PHACTR2: variants seen among roughly 807,000 people sequenced by gnomAD.
PHACTR2 encodes the protein chromosome 6 open reading frame 56.
A neutral mutation model predicts 76.0 loss-of-function variants in PHACTR2; 30 were observed. The ratio of observed to expected loss-of-function variants is 0.39; its 90% CI spans 0.30 to 0.54. The LOEUF (loss-of-function observed/expected upper bound fraction) is 0.54, where lower values mean the gene tolerates loss of function less well. PHACTR2 is among the 20% of genes least tolerant of loss of function. The probability of loss-of-function intolerance (pLI) is 0.61; values close to 1 mark genes in which losing one functional copy is unlikely to be tolerated. For missense variants in PHACTR2, 696 were observed against 781.1 expected (o/e 0.89, Z 1.30); for synonymous variants, 292 against 292.5 (o/e 1.00, Z 0.02).
intron 6 of PHACTR2, among the ~76,000 whole-genome samples, chr6:143,766,848 G>A (rs1258020430): frequency 4.6e-5 from 7 of 152,172 alleles, no homozygotes. Context: ...AGTATGAAGG[G>A]ATGGATGGCT....
rs1361424105 is a variant in PHACTR2, at chr6:143,827,185, T to C, written c.*3496T>C. ...ATATATATATATATATATATATATA[T>C]ATATATATATATATGTATATTATAT... On this transcript the variant is annotated 3_prime_UTR_variant, in exon 13 of 13. Coordinates refer to ENST00000440869, the MANE Select transcript of PHACTR2 (RefSeq NM_001100164.2). 3 of 134,114 alleles carry C rather than the reference T, an allele frequency of 2.2e-5. No individual in the cohort carries two copies. The highest frequency in any genetic ancestry group is 4.8e-5 in the Non-Finnish European group (3 of 62,372). 8.3% of individuals were successfully genotyped at this position (134,114 alleles called of 1,614,324 possible).
chr6:143,774,158 G>T lies in PHACTR2; in HGVS notation c.1532G>T (p.Arg511Leu), dbSNP rs750958486. Reference protein sequence around the residue: ...KELEDKNILQRTSEEERQEIR... With the variant: ...KELEDKNILQLTSEEERQEIR... ...CTAGAGGACAAAAACATCTTGCAGC[G>T]TACATCTGAAGAAGAGAGGCAGGAA... Residue 511 changes from arginine to leucine, a missense_variant, in exon 8 of 13, where the codon CGT becomes CTT. Physicochemically the swap from Arg to Leu is moderately radical, Grantham distance 102 (BLOSUM62 -2). This residue lies in a region of PHACTR2 where 236 missense variants were observed against 330.2 expected (regional missense o/e 0.71). Coordinates refer to ENST00000440869, the MANE Select transcript of PHACTR2 (RefSeq NM_001100164.2). The surrounding 1 kb of genome is among the most constrained non-coding windows in gnomAD (Gnocchi z 5.4). The T allele has an allele frequency of 8.1e-6, 13 of 1,613,946 alleles. No homozygotes were observed. The highest frequency in any genetic ancestry group is 1.0e-5 in the Non-Finnish European group (12 of 1,179,832).
intron 6 of PHACTR2, among the ~76,000 whole-genome samples, chr6:143,768,774 A>G (rs1379399432): frequency 1.3e-5 from 2 of 152,224 alleles, no homozygotes. Context: ...CATTGAGGCT[A>G]TTTATAATAG....
chr6:143,609,998 A>G (rs1775951561), intron 1 of PHACTR2, among the ~76,000 whole-genome samples: 1 of 152,228 alleles, frequency 6.6e-6, no homozygotes, highest in African/African-American at 2.4e-5. Flanking sequence ...CTTGTAAAGT[A>G]GCAATTTCTA....
At chr6:143,768,063 CTT>C (rs374139320) in intron 6 of PHACTR2, among the ~76,000 whole-genome samples, 1 of 152,288 alleles carries the variant, frequency 6.6e-6, no homozygotes, top group African/African-American at 2.4e-5. Flanking sequence ...GTCTTGAACT[CTT>C]GACCTTGTGA....
At position 143,537,077 on chromosome 6, in the gene PHACTR2, G is replaced by T; in HGVS notation, c.87G>T (p.Ala29=). 4.9e-6 allele frequency: 1 copy of T among 203,712 alleles called. No homozygotes were observed. Among genetic ancestry groups the T allele is most frequent in the Non-Finnish European group, 9.7e-6 (1 of 103,492 alleles). 12.6% of individuals were successfully genotyped at this position (203,712 alleles called of 1,614,324 possible). The change falls in exon 1 of 12, where the codon GCG becomes GCT. Residue 29 remains alanine (A), a synonymous_variant. Coordinates refer to the PHACTR2 transcript ENST00000367584. This position sits in a 1 kb window ranked among gnomAD's most constrained non-coding sequence, Gnocchi z 4.4. ...CGGTCCCAGTCCCCGAGCCCGAGGCGCCCGCCCCGCCGGCGGCGCCTGCCC... is the reference window on the plus strand; with the variant it reads ...CGGTCCCAGTCCCCGAGCCCGAGGCTCCCGCCCCGCCGGCGGCGCCTGCCC...
chr6:143,622,438 A>G (rs1776171547), intron 1 of PHACTR2, among the ~76,000 whole-genome samples: 1 of 152,176 alleles, frequency 6.6e-6, no homozygotes, highest in South Asian at 2.1e-4. Flanking sequence ...GAAACTGCTC[A>G]AGGGCAATGT....
chr6:143,590,034 CT>C (rs1476969577), intron 1 of PHACTR2, among the ~76,000 whole-genome samples: 1 of 152,158 alleles, frequency 6.6e-6, no homozygotes, highest in Non-Finnish European at 1.5e-5. Context: ...CACGAAAACT[CT>C]GTGCTCAGCA....
chr6:143,665,257 A>G (rs1206982178), intron 1 of PHACTR2, among the ~76,000 whole-genome samples: 2 of 152,172 alleles, frequency 1.3e-5, no homozygotes, highest in South Asian at 2.1e-4. Context: ...ATAGTTTTTC[A>G]TTTACTTGGA....
upstream of PHACTR2, among the ~76,000 whole-genome samples, chr6:143,607,786 T>C (rs1240123867): frequency 1.3e-5 from 2 of 152,224 alleles, no homozygotes; most frequent in East Asian, 3.8e-4. Flanking sequence ...TTTAAAATTT[T>C]AAATTGAAAA....
rs1171670789 is a variant in PHACTR2 at position 143,546,965 on chromosome 6, A to G, written c.217+9758A>G. Among the ~76,000 whole-genome samples, 1 of 152,088 alleles carries G rather than the reference A, an allele frequency of 6.6e-6. No homozygotes were observed. Among genetic ancestry groups the G allele is most frequent in the African/African-American group, 2.4e-5 (1 of 41,422 alleles). On this transcript the variant is annotated intron_variant, in intron 1 of 11. Coordinates refer to the PHACTR2 transcript ENST00000367584. This position sits in a 1 kb window ranked among gnomAD's most constrained non-coding sequence, Gnocchi z 4.9. ...AGTGGAAAGATTGCTTGAATCCAGCAGTTCGATGCTGCAGTGAGCTGTGAT... is the reference window on the plus strand; with the variant it reads ...AGTGGAAAGATTGCTTGAATCCAGCGGTTCGATGCTGCAGTGAGCTGTGAT...
chr6:143,565,405 T>G (rs1489380271), intron 1 of PHACTR2, among the ~76,000 whole-genome samples: 1 of 151,886 alleles, frequency 6.6e-6, no homozygotes, highest in African/African-American at 2.4e-5. Flanking sequence ...GATCACGAGG[T>G]CAGGAGATCG....
At position 143,652,137 on chromosome 6, in the gene PHACTR2, G is replaced by C. The variant is rs1008953015; in HGVS notation, c.13+43815G>C. On this transcript the variant is annotated intron_variant, in intron 1 of 11. Transcript: ENST00000305766. The surrounding 1 kb of genome is among the most constrained non-coding windows in gnomAD (Gnocchi z 4.5). ...ACTAAAAATGATGGCGGTGATGGGGGAACCGTTTACTAGGTACAACCACAA... is the reference window on the plus strand; with the variant it reads ...ACTAAAAATGATGGCGGTGATGGGGCAACCGTTTACTAGGTACAACCACAA... Among the ~76,000 whole-genome samples, 1 of 151,384 alleles carries C rather than the reference G, an allele frequency of 6.6e-6. No homozygotes were observed. Among genetic ancestry groups the C allele is most frequent in the Non-Finnish European group, 1.5e-5 (1 of 67,890 alleles).
chr6:143,742,828 C>T lies in PHACTR2; in HGVS notation c.215-6157C>T, dbSNP rs1778974917. ...GATAAACACGACATCCCTCAGAAGG[C>T]TTAGACTAGAATCATGTGATTATGC... On this transcript the variant is annotated intron_variant, in intron 2 of 12. Coordinates refer to ENST00000440869, the MANE Select transcript of PHACTR2 (RefSeq NM_001100164.2). The surrounding 1 kb of genome is among the most constrained non-coding windows in gnomAD (Gnocchi z 4.5). Among the ~76,000 whole-genome samples the T allele has an allele frequency of 6.6e-6, 1 of 152,164 alleles. No individual in the cohort carries two copies. The highest frequency in any genetic ancestry group is 1.5e-5 in the Non-Finnish European group (1 of 68,024).
intron 1 of PHACTR2, among the ~76,000 whole-genome samples, chr6:143,574,036 A>G (rs1775479143): frequency 2.0e-5 from 3 of 152,288 alleles, no homozygotes; most frequent in Admixed American, 2.0e-4. Context: ...TTGCCAGGTC[A>G]CACTCAAGGT....
Position 143,646,045 on chromosome 6 carries a change from T to C in PHACTR2, c.13+37723T>C, listed in dbSNP as rs1168466985. Among the ~76,000 whole-genome samples, 1 of 152,132 alleles carries C rather than the reference T, an allele frequency of 6.6e-6. No individual in the cohort carries two copies. The highest frequency in any genetic ancestry group is 2.4e-5 in the African/African-American group (1 of 41,436). ...TTTAAAAAAACTGGAGAAGAATAAT[T>C]ATGCAGAGATAAACGTGTCAGAAAC... On this transcript the variant is annotated intron_variant, in intron 1 of 11. Transcript: ENST00000305766. The surrounding 1 kb of genome is among the most constrained non-coding windows in gnomAD (Gnocchi z 4.1).
At chr6:143,756,141 C>G (rs1562294860) in intron 4 of PHACTR2, among the ~76,000 whole-genome samples, 1 of 152,222 alleles carries the variant, frequency 6.6e-6, no homozygotes, top group East Asian at 1.9e-4. Context: ...CTTCATAAGA[C>G]AATATCTCAA....
chr6:143,678,383 CT>C lies in PHACTR2; in HGVS notation c.46+178del, dbSNP rs761335744. 3.0e-4 allele frequency among the ~76,000 whole-genome samples: 45 copies of C among 152,320 alleles called. No individual in the cohort carries two copies. The highest frequency in any genetic ancestry group is 5.7e-4 in the Non-Finnish European group (39 of 68,022). On this transcript the variant is annotated intron_variant, in intron 1 of 12. Transcript: ENST00000440869. The surrounding 1 kb of genome is among the most constrained non-coding windows in gnomAD (Gnocchi z 6.2). ...ACTCTTTGTCGTGAAAGAGGAATGCCTTTTGGGATCCAGCCGATTTTACCTT... is the reference window on the plus strand; with the variant it reads ...ACTCTTTGTCGTGAAAGAGGAATGCCTTTGGGATCCAGCCGATTTTACCTT...
At position 143,671,589 on chromosome 6, in the gene PHACTR2, T is replaced by C. The variant is rs1212848098; in HGVS notation, c.14-40427T>C. Among the ~76,000 whole-genome samples, 1 of 152,252 alleles carries C rather than the reference T, an allele frequency of 6.6e-6. No homozygotes were observed. Among genetic ancestry groups the C allele is most frequent in the Non-Finnish European group, 1.5e-5 (1 of 68,046 alleles). On this transcript the variant is annotated intron_variant, in intron 1 of 11. Transcript: ENST00000305766. The surrounding 1 kb of genome is among the most constrained non-coding windows in gnomAD (Gnocchi z 4.6). ...GATTTATTATGTTTACTGCTTATTT[T>C]CTGTCATTCCATTAGAAGGGAAGCT...
Sources: gnomAD v4.1 joint callset for allele counts (sites outside exome capture counted in the v4.1 genomes callset) on GRCh38, gnomAD v4.1.1 for gene constraint, gnomAD v4.1.1 regional missense constraint, Gnocchi (gnomAD v3.1) non-coding constraint, MANE v1.5 for transcripts, NCBI Gene and HGNC (gene_info 2026-07-23, HGNC 2026-07-21) for gene names.